Variants in GCH1 observed in about 807,000 individuals in gnomAD.
The protein encoded by GCH1 is GTP cyclohydrolase 1, also known as GTP cyclohydrolase I.
In GCH1, 5 loss-of-function variants were observed where a neutral mutation model predicts 25.9. That is an observed-to-expected ratio of 0.19 (90% CI 0.10 to 0.41). GCH1 has a LOEUF of 0.41. Ranked by LOEUF, GCH1 falls within the 10% of genes least tolerant of loss-of-function variation. The pLI, the probability that GCH1 is intolerant of heterozygous loss-of-function variation, is 1.00. For missense variants in GCH1, 261 were observed against 336.5 expected, an observed-to-expected ratio of 0.78 and a Z score of 1.75; for synonymous variants, 159 against 129.6, an observed-to-expected ratio of 1.23 and a Z score of -1.54.
Position 54,842,262 on chromosome 14 carries a change from C to A in GCH1, c.*1755G>T, listed in dbSNP as rs1403865648. The A allele has an allele frequency of 6.6e-6, 1 of 152,550 alleles. No homozygotes were observed. The highest frequency in any genetic ancestry group is 2.4e-5 in the African/African-American group (1 of 41,422). 9.4% of individuals were successfully genotyped at this position (152,550 alleles called of 1,614,324 possible). A position where few individuals can be genotyped will look rare whatever the true frequency, so the allele number is the denominator to read the frequency against. ...ACAACAGCCTGTGGATACATTAGACCTTTATAAGAACACTTCTAGGAAATG... is the reference window on the plus strand; with the variant it reads ...ACAACAGCCTGTGGATACATTAGACATTTATAAGAACACTTCTAGGAAATG... On this transcript the variant is annotated 3_prime_UTR_variant, in exon 6 of 6. Coordinates refer to ENST00000491895, the MANE Select transcript of GCH1 (RefSeq NM_000161.3).
At chr14:54,875,995 G>C (rs2040153866) in intron 1 of GCH1, among the ~76,000 whole-genome samples, 1 of 152,052 alleles carries the variant, frequency 6.6e-6, no homozygotes, top group Non-Finnish European at 1.5e-5. Flanking sequence ...TCCCATTATT[G>C]GGTATATACC....
chr14:54,843,525 A>G lies in GCH1; in HGVS notation c.*492T>C. ...ATTTTTAAATGTCACTGGTGGTTTA[A>G]TAAACATGACCAAAGTGAAGTCTGT... On this transcript the variant is annotated 3_prime_UTR_variant, in exon 6 of 6. Transcript: ENST00000491895. 1 of 1,328,858 alleles carries G rather than the reference A, an allele frequency of 7.5e-7. No individual in the cohort carries two copies. The highest frequency in any genetic ancestry group is 9.6e-7 in the Non-Finnish European group (1 of 1,041,282). The allele number at this position is 1,328,858 out of a possible 1,614,324, so 82.3% of individuals were successfully genotyped here. A position where few individuals can be genotyped will look rare whatever the true frequency, so the allele number is the denominator to read the frequency against.
chr14:54,867,019 C>G (rs1280434869), intron 1 of GCH1, among the ~76,000 whole-genome samples: 1 of 152,134 alleles, frequency 6.6e-6, no homozygotes, highest in Non-Finnish European at 1.5e-5. Flanking sequence ...AAAAATAGAT[C>G]CTTAATGTTT....
Position 54,875,427 on chromosome 14 carries a change from T to A in GCH1, c.344-9991A>T, listed in dbSNP as rs1296981980. ...CATAGGCATGGGCAAGGACTTCATG[T>A]CTAAAACACCAAAAGTGATGGCAAC... On this transcript the variant is annotated intron_variant, in intron 1 of 5. Transcript: ENST00000491895. 3.3e-5 allele frequency among the ~76,000 whole-genome samples: 5 copies of A among 152,188 alleles called. No homozygotes were observed. The Middle Eastern group carries it at 0.01, about 311-fold the overall frequency.
intron 1 of GCH1, among the ~76,000 whole-genome samples, chr14:54,883,657 A>T (rs1022728200): frequency 6.6e-6 from 1 of 152,044 alleles, no homozygotes; most frequent in Non-Finnish European, 1.5e-5. Context: ...CCAGCCTGGG[A>T]GACAGAGCAA....
At chr14:54,862,377 CTCTTTTT>C (rs1379895948) in intron 2 of GCH1, among the ~76,000 whole-genome samples, 2 of 115,816 alleles carry the variant, frequency 1.7e-5, no homozygotes, top group African/African-American at 3.8e-5. Flanking sequence ...TGAAGCACTA[CTCTTTTT>C]TTTTTTTTTT....
chr14:54,866,218 A>G (rs1394209508), intron 1 of GCH1, among the ~76,000 whole-genome samples: 2 of 152,142 alleles, frequency 1.3e-5, no homozygotes, highest in Non-Finnish European at 2.9e-5. Context: ...GAGCACTCTG[A>G]GCTTCCTAAC....
chr14:54,872,548 A>C (rs1156470483), intron 1 of GCH1, among the ~76,000 whole-genome samples: 1 of 152,232 alleles, frequency 6.6e-6, no homozygotes, highest in South Asian at 2.1e-4. Context: ...AAGACACAGA[A>C]TGGCAAATTG....
intron 3 of GCH1, among the ~76,000 whole-genome samples, chr14:54,850,700 T>C (rs982187317): frequency 1.3e-5 from 2 of 152,148 alleles, no homozygotes; most frequent in South Asian, 2.1e-4. Flanking sequence ...CATTGTTCAA[T>C]TGTCACCTAT....
chr14:54,870,926 G>A (rs940284862), intron 1 of GCH1, among the ~76,000 whole-genome samples: 1 of 151,898 alleles, frequency 6.6e-6, no homozygotes, highest in Non-Finnish European at 1.5e-5. Context: ...CTGGGGGCAC[G>A]GCATAGCCGA....
intron 1 of GCH1, among the ~76,000 whole-genome samples, chr14:54,883,557 T>C (rs2040304540): frequency 1.3e-5 from 2 of 151,976 alleles, no homozygotes; most frequent in Non-Finnish European, 2.9e-5. Flanking sequence ...CAGGCGCCTG[T>C]AGTCCCAGCT....
chr14:54,883,619 CAGTGAGCCGAGATCACG>C (rs1276987848), intron 1 of GCH1, among the ~76,000 whole-genome samples: 1 of 152,064 alleles, frequency 6.6e-6, no homozygotes, highest in Non-Finnish European at 1.5e-5. Flanking sequence ...GTGGAGCTTG[CAGTGAGCCGAGATCACG>C]CCACTGCACT....
chr14:54,902,186 G>A, intron 1 of GCH1, 135 bp downstream of exon 1: 1 of 944,136 alleles, frequency 1.1e-6, no homozygotes, highest in Non-Finnish European at 1.6e-6. Flanking sequence ...GGCTAGGGCG[G>A]GTTCGGAGGT....
At chr14:54,885,560 A>G (rs2040340110) in intron 1 of GCH1, 2 of 386,054 alleles carry the variant, frequency 5.2e-6, no homozygotes, top group African/African-American at 2.1e-5. Flanking sequence ...CAGCAAGGTG[A>G]GGGATGAATC....
At chr14:54,847,570 T>C (rs1036386594) in intron 3 of GCH1, among the ~76,000 whole-genome samples, 7 of 152,168 alleles carry the variant, frequency 4.6e-5, no homozygotes, top group African/African-American at 1.2e-4. Context: ...TTCTTCAGTT[T>C]TGAGACTCAG....
intron 2 of GCH1, among the ~76,000 whole-genome samples, chr14:54,863,421 CAAAAAAAAAAAAA>C (rs755639452): frequency 2.4e-4 from 2 of 8,328 alleles, no homozygotes; most frequent in African/African-American, 5.9e-4. Flanking sequence ...GACTCCGTCT[CAAAAAAAAAAAAA>C]AAAAAAAAAA....
intron 1 of GCH1, among the ~76,000 whole-genome samples, chr14:54,898,963 A>T (rs569398723): frequency 2.2e-4 from 33 of 152,280 alleles, no homozygotes; most frequent in East Asian, 7.7e-4. Context: ...AAACTAAGAC[A>T]TGGGGGAGAC....
In GCH1 at chr14:54,897,010, G is replaced by GT. The variant is rs1303006172; in HGVS notation, c.343+5310dup. ...TCTTATCCATTCTACTCCACTTTTTGTTTTTTTTTTTTTTTTTTGAGATGG... is the reference window on the plus strand; with the variant it reads ...TCTTATCCATTCTACTCCACTTTTTGTTTTTTTTTTTTTTTTTTTGAGATGG... On this transcript the variant is annotated intron_variant, in intron 1 of 5. Coordinates refer to ENST00000491895, the MANE Select transcript of GCH1 (RefSeq NM_000161.3). Among the ~76,000 whole-genome samples the GT allele has an allele frequency of 4.0e-3, 463 of 114,868 alleles. 9 individuals are homozygous for GT. Among genetic ancestry groups the GT allele is most frequent in the South Asian group, 7.2e-3 (26 of 3,608 alleles). 75.4% of individuals were successfully genotyped at this position (114,868 alleles called of 152,430 possible).
At chr14:54,901,951 G>T (rs1017034135) in intron 1 of GCH1, among the ~76,000 whole-genome samples, 5 of 152,156 alleles carry the variant, frequency 3.3e-5, no homozygotes, top group Admixed American at 3.3e-4. Flanking sequence ...GATCCTTATC[G>T]TGGGCAAGTT....
Sources: gnomAD v4.1 joint callset for allele counts (sites outside exome capture counted in the v4.1 genomes callset) on GRCh38, gnomAD v4.1.1 for gene constraint, MANE v1.5 for transcripts, NCBI Gene and HGNC (gene_info 2026-07-23, HGNC 2026-07-21) for gene names.